The following AGBL1 variants were observed in gnomAD, a reference collection of about 807,000 sequenced individuals.
AGBL1 encodes cytosolic carboxypeptidase 4.
Under a neutral mutation model 118.9 loss-of-function variants are expected in AGBL1, and 130 were observed. The ratio of observed to expected loss-of-function variants is 1.09; its 90% CI spans 0.95 to 1.26. The LOEUF is 1.26. Ranked by LOEUF, AGBL1 falls within the 50% of genes most tolerant of loss-of-function variation. The probability of loss-of-function intolerance (pLI) is 0.00; values close to 1 mark genes in which losing one functional copy is unlikely to be tolerated. For missense variants in AGBL1, 1,584 were observed against 1,298.1 expected (o/e 1.22, Z -3.38); for synonymous variants, 555 against 478.9 (o/e 1.16, Z -2.08).
At chr15:86,083,175 G>T (rs1008197859) in intron 1 of AGBL1, among the ~76,000 whole-genome samples, 1 of 151,870 alleles carries the variant, frequency 6.6e-6, no homozygotes, top group African/African-American at 2.4e-5. Context: ...TTTTTCCTGG[G>T]TGGACTCCAA....
At chr15:86,793,137 A>C (rs1022239255) in intron 22 of AGBL1, among the ~76,000 whole-genome samples, 1 of 152,228 alleles carries the variant, frequency 6.6e-6, no homozygotes, top group African/African-American at 2.4e-5. Flanking sequence ...TAAAACATTT[A>C]TTATGGGAGT....
chr15:86,430,495 A>G (rs968644641), intron 18 of AGBL1, among the ~76,000 whole-genome samples: 5 of 152,118 alleles, frequency 3.3e-5, no homozygotes, highest in Admixed American at 2.6e-4. Context: ...GTCGCAAAAA[A>G]AAAAAAAAAA....
At chr15:86,527,634 G>C (rs1330353219) in intron 19 of AGBL1, among the ~76,000 whole-genome samples, 1 of 152,132 alleles carries the variant, frequency 6.6e-6, no homozygotes, top group African/African-American at 2.4e-5. Context: ...CTGTGACTCT[G>C]CCCAAATTCT....
At chr15:86,557,743 C>CT (rs1237869847) in intron 21 of AGBL1, among the ~76,000 whole-genome samples, 4 of 151,926 alleles carry the variant, frequency 2.6e-5, no homozygotes, top group Non-Finnish European at 2.9e-5. Flanking sequence ...TCTCTTCTTT[C>CT]TTTTTTTTAT....
chr15:86,416,017 T>A (rs183505531), intron 18 of AGBL1, among the ~76,000 whole-genome samples: 189 of 152,332 alleles, frequency 1.2e-3, no homozygotes, highest in African/African-American at 4.4e-3. Context: ...AAAGAGGCTA[T>A]TACTGCATTT....
chr15:86,794,319 C>T (rs1318975950), intron 22 of AGBL1, among the ~76,000 whole-genome samples: 1 of 152,074 alleles, frequency 6.6e-6, no homozygotes, highest in African/African-American at 2.4e-5. Context: ...AACCTCAAAA[C>T]CATTATGCTA....
intron 18 of AGBL1, among the ~76,000 whole-genome samples, chr15:86,419,315 G>C (rs1477754831): frequency 6.6e-6 from 1 of 152,156 alleles, no homozygotes; most frequent in East Asian, 1.9e-4. Context: ...CCCATGGAGG[G>C]TGAGCAGAAG....
intron 21 of AGBL1, among the ~76,000 whole-genome samples, chr15:86,559,450 G>C (rs1409820363): frequency 6.6e-6 from 1 of 152,154 alleles, no homozygotes; most frequent in East Asian, 1.9e-4. Flanking sequence ...CTCATGATGA[G>C]GAAAATGAAA....
chr15:86,141,424 G>C (rs1301811234), intron 1 of AGBL1, among the ~76,000 whole-genome samples: 1 of 152,166 alleles, frequency 6.6e-6, no homozygotes, highest in Non-Finnish European at 1.5e-5. Flanking sequence ...GGCCGAGGCA[G>C]GCAGATAACG....
intron 19 of AGBL1, among the ~76,000 whole-genome samples, chr15:86,541,081 A>C (rs200001269): frequency 6.6e-6 from 1 of 152,228 alleles, no homozygotes; most frequent in African/African-American, 2.4e-5. Context: ...ATTTGTTTGC[A>C]CACTTTTCAT....
chr15:86,494,270 A>T (rs1481967122), intron 18 of AGBL1, among the ~76,000 whole-genome samples: 1 of 152,074 alleles, frequency 6.6e-6, no homozygotes, highest in African/African-American at 2.4e-5. Flanking sequence ...GACCTGTTTT[A>T]TCTTAGACAA....
chr15:86,825,137 G>C (rs991614497), intron 22 of AGBL1, among the ~76,000 whole-genome samples: 2 of 151,822 alleles, frequency 1.3e-5, no homozygotes, highest in Non-Finnish European at 2.9e-5. Flanking sequence ...ATATTCAAAA[G>C]TTGCAAAAGC....
intron 22 of AGBL1, among the ~76,000 whole-genome samples, chr15:86,746,545 G>A (rs8036407): frequency 0.49 from 73,707 of 151,838 alleles, 18,002 homozygotes; most frequent in Middle Eastern, 0.55. Flanking sequence ...AGCCTCCACC[G>A]ATAGACTGTG....
At chr15:86,932,228 T>C (rs2080614704) in intron 23 of AGBL1, among the ~76,000 whole-genome samples, 1 of 152,200 alleles carries the variant, frequency 6.6e-6, no homozygotes, top group African/African-American at 2.4e-5. Flanking sequence ...ATTGCTAATG[T>C]ATAATGTAAA....
At chr15:86,364,590 C>A (rs1336628777) in intron 17 of AGBL1, among the ~76,000 whole-genome samples, 1 of 152,134 alleles carries the variant, frequency 6.6e-6, no homozygotes, top group Non-Finnish European at 1.5e-5. Context: ...TTCTTTCCTA[C>A]AGACTCTTTA....
intron 18 of AGBL1, among the ~76,000 whole-genome samples, chr15:86,475,620 G>A (rs565054065): frequency 2.2e-3 from 336 of 152,250 alleles, no homozygotes; most frequent in Non-Finnish European, 2.5e-3. Flanking sequence ...AAAGTGATGC[G>A]GAGAATGGAA....
chr15:86,475,629 A>G (rs972202429), intron 18 of AGBL1, among the ~76,000 whole-genome samples: 5 of 152,362 alleles, frequency 3.3e-5, no homozygotes, highest in African/African-American at 1.2e-4. Context: ...CGGAGAATGG[A>G]ACCAAGTTGG....
intron 22 of AGBL1, among the ~76,000 whole-genome samples, chr15:86,832,405 C>T (rs1251146292): frequency 6.6e-6 from 1 of 152,136 alleles, no homozygotes; most frequent in East Asian, 1.9e-4. Flanking sequence ...CAATTCCAAC[C>T]ATCATAGCTT....
At chr15:86,415,048 T>C (rs1370530567) in intron 18 of AGBL1, among the ~76,000 whole-genome samples, 1 of 152,110 alleles carries the variant, frequency 6.6e-6, no homozygotes, top group Non-Finnish European at 1.5e-5. Context: ...TAGAGTACAG[T>C]TGAATTGTGA....
Sources: gnomAD v4.1 joint callset for allele counts (sites outside exome capture counted in the v4.1 genomes callset) on GRCh38, gnomAD v4.1.1 for gene constraint, MANE v1.5 for transcripts, NCBI Gene and HGNC (gene_info 2026-07-23, HGNC 2026-07-21) for gene names.